The following WAC variants were observed in gnomAD, a reference collection of about 807,000 sequenced individuals.
WAC encodes the protein WW domain-containing adapter protein with coiled-coil.
Under a neutral mutation model 79.6 loss-of-function variants are expected in WAC, and 11 were observed. The ratio of observed to expected loss-of-function variants is 0.14; its 90% CI spans 0.09 to 0.23. WAC has a LOEUF of 0.23. Ranked by LOEUF, WAC falls within the 10% of genes least tolerant of loss-of-function variation. WAC has a pLI of 1.00. For missense variants in WAC, 728 were observed against 773.5 expected, an observed-to-expected ratio of 0.94 and a Z score of 0.70; for synonymous variants, 304 against 276.9, an observed-to-expected ratio of 1.10 and a Z score of -0.97.
At position 28,558,753 on chromosome 10, in the gene WAC, C is replaced by G. The variant is rs147578303; in HGVS notation, c.274+22996C>G. On this transcript the variant is annotated intron_variant, in intron 3 of 13. Coordinates refer to ENST00000354911, the MANE Select transcript of WAC (RefSeq NM_016628.5). ...TAAAGTCTGGTGCACTCAAGAAATT[C>G]AAGGAATCCAAAGGTGGTGCTGTCC... Among the ~76,000 whole-genome samples the G allele has an allele frequency of 3.4e-3, 525 of 152,230 alleles. 2 individuals are homozygous for G. The highest frequency in any genetic ancestry group is 0.012 in the African/African-American group (499 of 41,534).
Position 28,603,968 on chromosome 10 carries a change from T to C in WAC, c.920-4218T>C, listed in dbSNP as rs868393161. Among the ~76,000 whole-genome samples, 2 of 8,660 alleles carry C rather than the reference T, an allele frequency of 2.3e-4. 1 individual carries two copies. The highest frequency in any genetic ancestry group is 7.7e-4 in the African/African-American group (2 of 2,588). The allele number at this position is 8,660 out of a possible 152,430, so 5.7% of individuals were successfully genotyped here. ...ATATATATATGTATGTATGTATATA[T>C]ATATATATATATATATATATGTATA... On this transcript the variant is annotated intron_variant, in intron 7 of 13. Transcript: ENST00000354911.
chr10:28,573,845 T>A (rs2132565323), intron 3 of WAC, among the ~76,000 whole-genome samples: 1 of 152,236 alleles, frequency 6.6e-6, no homozygotes, highest in African/African-American at 2.4e-5. Context: ...TACAAACCCT[T>A]TAACTGTCAT....
intron 9 of WAC, chr10:28,611,308 T>C: frequency 7.7e-7 from 1 of 1,292,798 alleles, no homozygotes; most frequent in South Asian, 1.2e-5. Context: ...TAGGAGCAAA[T>C]GGGAAGTGAA....
chr10:28,557,592 G>A (rs1430574711), intron 3 of WAC, among the ~76,000 whole-genome samples: 4 of 152,118 alleles, frequency 2.6e-5, no homozygotes, highest in African/African-American at 4.8e-5. Flanking sequence ...TGTTTGAGAG[G>A]CTGAGGCAGG....
rs1236721139 is a variant in WAC, at chr10:28,619,981, T to C, written c.*375T>C. 1.3e-5 allele frequency: 2 copies of C among 150,346 alleles called. No individual in the cohort carries two copies. The highest frequency in any genetic ancestry group is 2.9e-5 in the Non-Finnish European group (2 of 68,940). 9.3% of individuals were successfully genotyped at this position (150,346 alleles called of 1,614,324 possible). ...TTTTTAAAAAAAAAAAAAAAAAAAT[T>C]GGGGGGGTTAATTTATCATTCAGAA... On this transcript the variant is annotated 3_prime_UTR_variant, in exon 14 of 14. Transcript: ENST00000354911.
intron 7 of WAC, among the ~76,000 whole-genome samples, chr10:28,603,095 ATAT>A (rs1363139597): frequency 6.6e-6 from 1 of 152,224 alleles, no homozygotes; most frequent in Non-Finnish European, 1.5e-5. Flanking sequence ...CTAAAACCAG[ATAT>A]TATTCCATTA....
At chr10:28,556,747 C>CA (rs1480913310) in intron 3 of WAC, among the ~76,000 whole-genome samples, 1 of 151,984 alleles carries the variant, frequency 6.6e-6, no homozygotes, top group Non-Finnish European at 1.5e-5. Flanking sequence ...ATATGGTGTA[C>CA]AACAAGGATC....
intron 6 of WAC, among the ~76,000 whole-genome samples, chr10:28,592,666 TAA>T: frequency 6.6e-6 from 1 of 152,122 alleles, no homozygotes; most frequent in African/African-American, 2.4e-5. Context: ...TAGATAAGTA[TAA>T]AAATAACTTT....
At position 28,584,572 on chromosome 10, in the gene WAC, T is replaced by C. The variant is rs568509607; in HGVS notation, c.381+1067T>C. 2.0e-5 allele frequency among the ~76,000 whole-genome samples: 3 copies of C among 152,088 alleles called. No individual in the cohort carries two copies. In the East Asian group the frequency reaches 5.8e-4, roughly 29 times the overall value. On this transcript the variant is annotated intron_variant, in intron 4 of 13. Coordinates refer to ENST00000354911, the MANE Select transcript of WAC (RefSeq NM_016628.5). Reference sequence around the variant, plus strand: ...ATTATCTCGGGTAGCAGTGTGGAAATATAGGAAAGAATGAACAATGAGAAG... The same window carrying C: ...ATTATCTCGGGTAGCAGTGTGGAAACATAGGAAAGAATGAACAATGAGAAG...
intron 7 of WAC, among the ~76,000 whole-genome samples, chr10:28,603,979 A>ATGTGTG (rs775722405): frequency 3.0e-5 from 2 of 66,726 alleles, no homozygotes; most frequent in African/African-American, 1.3e-4. Flanking sequence ...ATATATATAT[A>ATGTGTG]TATATATATG....
intron 3 of WAC, among the ~76,000 whole-genome samples, chr10:28,550,561 G>A (rs1202216111): frequency 6.6e-6 from 1 of 152,056 alleles, no homozygotes; most frequent in Non-Finnish European, 1.5e-5. Context: ...GGGGTCTGGT[G>A]TATATATATG....
At chr10:28,537,340 C>T (rs543475565) in intron 3 of WAC, among the ~76,000 whole-genome samples, 27 of 152,254 alleles carry the variant, frequency 1.8e-4, no homozygotes, top group African/African-American at 5.5e-4. Flanking sequence ...AACCACTCTT[C>T]TATAGTGGAT....
At chr10:28,571,246 T>C (rs914523619) in intron 3 of WAC, among the ~76,000 whole-genome samples, 2 of 152,152 alleles carry the variant, frequency 1.3e-5, no homozygotes, top group South Asian at 2.1e-4. Context: ...TATATACTTT[T>C]CATGTGCTTT....
chr10:28,599,981 T>C (rs1840561112), intron 7 of WAC, among the ~76,000 whole-genome samples: 1 of 152,184 alleles, frequency 6.6e-6, no homozygotes, highest in African/African-American at 2.4e-5. Context: ...TTAAACCTGC[T>C]CTAACTCTGC....
At chr10:28,593,317 T>C (rs1272701874) in intron 6 of WAC, among the ~76,000 whole-genome samples, 1 of 152,190 alleles carries the variant, frequency 6.6e-6, no homozygotes, top group East Asian at 1.9e-4. Flanking sequence ...AGAGTATGGC[T>C]TAAAGCTTGT....
chr10:28,602,962 T>C (rs1436380995), intron 7 of WAC, among the ~76,000 whole-genome samples: 1 of 152,194 alleles, frequency 6.6e-6, no homozygotes, highest in Non-Finnish European at 1.5e-5. Flanking sequence ...ATCAAATAAT[T>C]GGTCAGATAT....
intron 1 of WAC, 105 bp from the exon 2 acceptor site, chr10:28,533,893 G>A: frequency 7.1e-7 from 1 of 1,408,380 alleles, no homozygotes; most frequent in East Asian, 2.4e-5. Flanking sequence ...TGGGGCGCTC[G>A]GTAGGTCTCC....
In WAC at chr10:28,621,789, T is replaced by C. The variant is rs754491043; in HGVS notation, c.*2183T>C. 7 of 152,352 alleles carry C rather than the reference T, an allele frequency of 4.6e-5. No homozygotes were observed. The highest frequency in any genetic ancestry group is 4.1e-4 in the South Asian group (2 of 4,834). 9.4% of individuals were successfully genotyped at this position (152,352 alleles called of 1,614,324 possible). ...TATAGTCTACTGGTCTGTGTACCTA[T>C]GTTTTGTTTTTCAAAAAAGTTTACA... On this transcript the variant is annotated 3_prime_UTR_variant, in exon 14 of 14. Transcript: ENST00000354911.
chr10:28,554,931 C>T lies in WAC; in HGVS notation c.274+19174C>T, dbSNP rs542922358. ...TCAGGCTTCAACTTAAAAGTTACTT[C>T]CTCTGTCCTCTCAACCCCCAAGTCT... On this transcript the variant is annotated intron_variant, in intron 3 of 13. Transcript: ENST00000354911. Among the ~76,000 whole-genome samples, 8 of 152,264 alleles carry T rather than the reference C, an allele frequency of 5.3e-5. No homozygotes were observed. The South Asian group carries it at 1.5e-3, about 28-fold the overall frequency.
Sources: gnomAD v4.1 joint callset for allele counts (sites outside exome capture counted in the v4.1 genomes callset) on GRCh38, gnomAD v4.1.1 for gene constraint, MANE v1.5 for transcripts, NCBI Gene and HGNC (gene_info 2026-07-23, HGNC 2026-07-21) for gene names.